Variants in DPYD observed in about 807,000 individuals in gnomAD.
DPYD encodes the protein dihydropyrimidine dehydrogenase.
A neutral mutation model predicts 116.2 loss-of-function variants in DPYD; 109 were observed. That is an observed-to-expected ratio of 0.94 (90% CI 0.80 to 1.10). The LOEUF (loss-of-function observed/expected upper bound fraction) is 1.10, where lower values mean the gene tolerates loss of function less well. Among genes scored for constraint, DPYD ranks in the 50% least tolerant of loss-of-function variants. DPYD has a pLI of 0.00. For missense variants in DPYD, 1,302 were observed against 1,254.5 expected (o/e 1.04, Z -0.57); for synonymous variants, 440 against 432.0 (o/e 1.02, Z -0.23).
intron 11 of DPYD, among the ~76,000 whole-genome samples, chr1:97,560,686 T>A (rs1050174580): frequency 1.3e-5 from 2 of 151,472 alleles, no homozygotes; most frequent in African/African-American, 2.4e-5. Flanking sequence ...AGATAAAAAA[T>A]GAAAAGTAAA....
Position 97,573,759 on chromosome 1 carries a change from C to T in DPYD, c.1339+1G>A, listed in dbSNP as rs1057516357. On this transcript the variant is annotated splice_donor_variant, in intron 11 of 22. Transcript: ENST00000370192. LOFTEE classifies it high-confidence loss of function. ...ACACATTTCAGCTCCCAGCACTGTACCTTTAGGATCACTCAGAACTGAACC... is the reference window on the plus strand; with the variant it reads ...ACACATTTCAGCTCCCAGCACTGTATCTTTAGGATCACTCAGAACTGAACC... 1 of 1,613,432 alleles carries T rather than the reference C, an allele frequency of 6.2e-7. No individual in the cohort carries two copies. Among genetic ancestry groups the T allele is most frequent in the Non-Finnish European group, 8.5e-7 (1 of 1,179,504 alleles).
chr1:97,617,059 G>A (rs991533649), intron 8 of DPYD, among the ~76,000 whole-genome samples: 1 of 151,970 alleles, frequency 6.6e-6, no homozygotes, highest in Non-Finnish European at 1.5e-5. Context: ...AAAATTAGCT[G>A]GGCATGGTGG....
chr1:97,342,082 T>TTCTAC (rs1256537771), intron 16 of DPYD, among the ~76,000 whole-genome samples: 1 of 152,182 alleles, frequency 6.6e-6, no homozygotes, highest in Non-Finnish European at 1.5e-5. Context: ...TCTTCTTGAG[T>TTCTAC]CAATGAATTT....
intron 19 of DPYD, among the ~76,000 whole-genome samples, chr1:97,211,862 T>C (rs921473149): frequency 5.3e-5 from 8 of 152,088 alleles, no homozygotes; most frequent in African/African-American, 1.9e-4. Flanking sequence ...TATACATATC[T>C]TAAATAAAGG....
chr1:97,429,967 T>C (rs1053285930), intron 14 of DPYD, among the ~76,000 whole-genome samples: 1 of 152,098 alleles, frequency 6.6e-6, no homozygotes, highest in Admixed American at 6.6e-5. Context: ...TGAACACTAG[T>C]TTGCACAAGT....
intron 20 of DPYD, among the ~76,000 whole-genome samples, chr1:97,136,504 G>A (rs113032066): frequency 1.3e-5 from 2 of 152,196 alleles, no homozygotes; most frequent in South Asian, 4.1e-4. Flanking sequence ...TTTTGGACAC[G>A]TAATGAGATT....
At chr1:97,227,946 G>GT (rs896442365) in intron 19 of DPYD, among the ~76,000 whole-genome samples, 20 of 151,462 alleles carry the variant, frequency 1.3e-4, no homozygotes, top group African/African-American at 4.6e-4. Flanking sequence ...TGTAACCTAG[G>GT]TTTTTTCTTC....
In DPYD at chr1:97,921,021, A is replaced by T. The variant is rs571741157; in HGVS notation, c.-99T>A. On this transcript the variant is annotated 5_prime_UTR_variant, in exon 1 of 23. Coordinates refer to ENST00000370192, the MANE Select transcript of DPYD (RefSeq NM_000110.4). ...GTGACAGCAGCCGGAGCGCGAGTCG[A>T]AAACAGGCAGACTAGGGCCGGCGGC... The T allele has an allele frequency of 1.7e-5, 25 of 1,475,072 alleles. No homozygotes were observed. The highest frequency in any genetic ancestry group is 2.8e-6 in the Non-Finnish European group (3 of 1,081,698). The allele number at this position is 1,475,072 out of a possible 1,614,324, so 91.4% of individuals were successfully genotyped here. A position where few individuals can be genotyped will look rare whatever the true frequency, so the allele number is the denominator to read the frequency against.
chr1:97,748,278 A>G (rs1449243711), intron 3 of DPYD, among the ~76,000 whole-genome samples: 1 of 152,112 alleles, frequency 6.6e-6, no homozygotes, highest in East Asian at 1.9e-4. Context: ...TAATAGATAG[A>G]TAGAATGAAG....
intron 20 of DPYD, among the ~76,000 whole-genome samples, chr1:97,120,731 GC>G (rs1472776136): frequency 4.6e-5 from 7 of 152,122 alleles, no homozygotes; most frequent in African/African-American, 1.4e-4. Flanking sequence ...CACATACTAA[GC>G]CCTCCATGTT....
At chr1:97,322,979 C>T (rs1668389738) in intron 16 of DPYD, 1 of 151,744 alleles carries the variant, frequency 6.6e-6, no homozygotes, top group South Asian at 2.1e-4. Flanking sequence ...CTCAGCATCT[C>T]TTATTCCATT....
chr1:97,858,552 C>T (rs1468246016), intron 2 of DPYD, among the ~76,000 whole-genome samples: 2 of 151,972 alleles, frequency 1.3e-5, no homozygotes, highest in Non-Finnish European at 2.9e-5. Flanking sequence ...TTGACTAGTC[C>T]CATTAACATT....
chr1:97,529,197 A>T (rs1649371932), intron 12 of DPYD, among the ~76,000 whole-genome samples: 1 of 152,170 alleles, frequency 6.6e-6, no homozygotes, highest in South Asian at 2.1e-4. Flanking sequence ...ATCACCAATG[A>T]GCCAAGTGAA....
chr1:97,236,031 A>G (rs909550884), intron 18 of DPYD, among the ~76,000 whole-genome samples: 1 of 152,212 alleles, frequency 6.6e-6, no homozygotes, highest in Non-Finnish European at 1.5e-5. Context: ...CTATTTTAAA[A>G]ATGAGTATAT....
At chr1:97,536,532 C>A (rs778820939) in intron 12 of DPYD, among the ~76,000 whole-genome samples, 1 of 152,168 alleles carries the variant, frequency 6.6e-6, no homozygotes, top group Non-Finnish European at 1.5e-5. Flanking sequence ...TTATCTGAAG[C>A]AGTAGAGGAT....
intron 20 of DPYD, among the ~76,000 whole-genome samples, chr1:97,173,227 T>C (rs1570599886): frequency 9.8e-6 from 1 of 102,458 alleles, no homozygotes; most frequent in Non-Finnish European, 2.5e-5. Flanking sequence ...TATACGTACA[T>C]ATATGCGCAC....
At chr1:97,880,142 A>G (rs966461185) in intron 2 of DPYD, among the ~76,000 whole-genome samples, 1 of 151,832 alleles carries the variant, frequency 6.6e-6, no homozygotes, top group Non-Finnish European at 1.5e-5. Flanking sequence ...AAGTAAGGAG[A>G]TAACGAGATA....
intron 20 of DPYD, among the ~76,000 whole-genome samples, chr1:97,187,655 TC>T (rs764059080): frequency 5.9e-5 from 9 of 152,172 alleles, no homozygotes; most frequent in African/African-American, 9.6e-5. Flanking sequence ...TAGACTCATG[TC>T]CAGAAGAGTT....
At chr1:97,389,714 C>T (rs1172011377) in intron 14 of DPYD, among the ~76,000 whole-genome samples, 3 of 151,946 alleles carry the variant, frequency 2.0e-5, no homozygotes, top group Non-Finnish European at 4.4e-5. Flanking sequence ...AATGTATACA[C>T]TTTTTGTAAA....
Sources: allele counts gnomAD v4.1 joint callset (sites outside exome capture counted in the v4.1 genomes callset), GRCh38; gene constraint gnomAD v4.1.1; transcripts MANE v1.5; gene names NCBI Gene and HGNC (gene_info 2026-07-23, HGNC 2026-07-21).